The following SAMD13 variants were observed in gnomAD, a reference collection of about 807,000 sequenced individuals.
SAMD13 encodes sterile alpha motif domain containing 13.
In SAMD13, 9 loss-of-function variants were observed where a neutral mutation model predicts 12.4. The observed-to-expected ratio is 0.72, with a 90% CI of 0.44 to 1.26. The LOEUF (loss-of-function observed/expected upper bound fraction) is 1.26, where lower values mean the gene tolerates loss of function less well. SAMD13 is among the 50% of genes most tolerant of loss of function. The probability of loss-of-function intolerance (pLI) is 0.00; values close to 1 mark genes in which losing one functional copy is unlikely to be tolerated. For missense variants in SAMD13, 84 were observed against 119.6 expected, an observed-to-expected ratio of 0.70 and a Z score of 1.39; for synonymous variants, 46 against 45.4, an observed-to-expected ratio of 1.01 and a Z score of -0.05.
upstream of SAMD13, chr1:84,299,543 A>G (rs1350861251): frequency 5.0e-6 from 7 of 1,398,404 alleles, no homozygotes; most frequent in Non-Finnish European, 6.7e-6. Context: ...AAAGTACACC[A>G]CATAGTGCAC....
In SAMD13 at chr1:84,350,652, G is replaced by C. The variant is rs1172449595; in HGVS notation, c.*878G>C. Reference sequence around the variant, plus strand: ...TTTTAATTGTCCTATGCTTTGTTCGGTTCCTGGGTTAAGTACTTGTTTTTA... The same window carrying C: ...TTTTAATTGTCCTATGCTTTGTTCGCTTCCTGGGTTAAGTACTTGTTTTTA... On this transcript the variant is annotated 3_prime_UTR_variant, in exon 4 of 4. Coordinates refer to ENST00000394834, the MANE Select transcript of SAMD13 (RefSeq NM_001134663.2). 1 of 152,278 alleles carries C rather than the reference G, an allele frequency of 6.6e-6. No individual in the cohort carries two copies. The highest frequency in any genetic ancestry group is 2.4e-5 in the African/African-American group (1 of 41,314). The allele number at this position is 152,278 out of a possible 1,614,324, so 9.4% of individuals were successfully genotyped here.
chr1:84,309,477 C>A (rs1395713314), intron 2 of SAMD13, among the ~76,000 whole-genome samples: 1 of 152,178 alleles, frequency 6.6e-6, no homozygotes, highest in Non-Finnish European at 1.5e-5. Flanking sequence ...CTCCTCTCCT[C>A]AAATTCATTT....
intron 3 of SAMD13, among the ~76,000 whole-genome samples, chr1:84,334,177 T>C (rs1420052883): frequency 2.0e-5 from 3 of 152,134 alleles, no homozygotes; most frequent in African/African-American, 7.2e-5. Flanking sequence ...TAAATCCATC[T>C]GGTCCTGGGC....
upstream of SAMD13, among the ~76,000 whole-genome samples, chr1:84,299,224 A>G (rs912990404): frequency 6.6e-6 from 1 of 152,066 alleles, no homozygotes; most frequent in Non-Finnish European, 1.5e-5. Context: ...TCCCTAGGCG[A>G]GTCCTTTCTG....
At chr1:84,345,194 T>G (rs992182907) in intron 3 of SAMD13, 2 of 456,224 alleles carry the variant, frequency 4.4e-6, no homozygotes, top group African/African-American at 4.0e-5. Flanking sequence ...AGAGAGTTGT[T>G]ACAAAGAAAG....
intron 3 of SAMD13, among the ~76,000 whole-genome samples, chr1:84,342,611 A>T (rs1351167485): frequency 5.9e-5 from 9 of 152,202 alleles, no homozygotes; most frequent in Non-Finnish European, 1.3e-4. Context: ...TGGGGAAAAG[A>T]TTCTCTATTT....
At position 84,325,652 on chromosome 1, in the gene SAMD13, G is replaced by A. The variant is rs750876479; in HGVS notation, c.69G>A (p.Gly23=). The change falls in exon 3 of 4, where the codon GGG becomes GGA. Residue 23 remains glycine (G), a synonymous_variant. Coordinates refer to ENST00000394834, the MANE Select transcript of SAMD13 (RefSeq NM_001134663.2). Reference sequence around the variant, plus strand: ...TGTTTTGCAGTTCCATGGAAAATGGGAGACCACCTGATCCTGCAGACTGGG... The same window carrying A: ...TGTTTTGCAGTTCCATGGAAAATGGAAGACCACCTGATCCTGCAGACTGGG... ...SVGVKNSMEN[G]RPPDPADWAV... is the part of the protein sequence containing the mutation. 10 of 1,611,434 alleles carry A rather than the reference G, an allele frequency of 6.2e-6. No individual in the cohort carries two copies. The South Asian group carries it at 6.6e-5, about 11-fold the overall frequency.
intron 3 of SAMD13, among the ~76,000 whole-genome samples, chr1:84,331,714 A>G (rs1333395890): frequency 6.6e-6 from 1 of 152,150 alleles, no homozygotes; most frequent in East Asian, 1.9e-4. Flanking sequence ...TTGAAAACTG[A>G]TAAGGAAAAA....
intron 2 of SAMD13, among the ~76,000 whole-genome samples, chr1:84,310,497 C>G (rs1465360995): frequency 6.6e-6 from 1 of 152,188 alleles, no homozygotes; most frequent in Non-Finnish European, 1.5e-5. Flanking sequence ...TCATTTTGGA[C>G]ATAAAATTTT....
At chr1:84,302,205 A>G (rs1412612061) in intron 1 of SAMD13, among the ~76,000 whole-genome samples, 2 of 152,216 alleles carry the variant, frequency 1.3e-5, no homozygotes, top group Non-Finnish European at 2.9e-5. Context: ...CGAATATACT[A>G]AATGATGCAC....
At chr1:84,312,583 T>C (rs1242942752) in intron 2 of SAMD13, among the ~76,000 whole-genome samples, 2 of 152,044 alleles carry the variant, frequency 1.3e-5, no homozygotes, top group African/African-American at 4.8e-5. Context: ...AAAATTAATT[T>C]GAACTGAATC....
At chr1:84,302,337 C>CT (rs34069417) in intron 1 of SAMD13, among the ~76,000 whole-genome samples, 181 of 123,148 alleles carry the variant, frequency 1.5e-3, no homozygotes, top group African/African-American at 5.1e-3. Flanking sequence ...CTGTTTCTTC[C>CT]TTTTTTTTTT....
rs199803650 is a variant in SAMD13, at chr1:84,302,453, AAGAC to A, written c.-33+656_-33+659del. Among the ~76,000 whole-genome samples the A allele has an allele frequency of 6.7e-3, 1,012 of 151,904 alleles. 33 individuals are homozygous for A. Among genetic ancestry groups the A allele is most frequent in the South Asian group, 2.7e-3 (13 of 4,814 alleles). ...CACAGCCCTCATCCTACTAAACAAA[AAGAC>A]AGAGTGATGGATGCTACAATATCTC... On this transcript the variant is annotated intron_variant, in intron 1 of 3. Transcript: ENST00000394834.
chr1:84,303,106 A>G (rs1321494911), intron 1 of SAMD13, 97 bp from the exon 2 acceptor site: 2 of 852,830 alleles, frequency 2.3e-6, no homozygotes, highest in African/African-American at 3.4e-5. Flanking sequence ...AACTGGTGTG[A>G]AGCTGTAAAA....
At chr1:84,347,119 G>A (rs1320442421) in intron 3 of SAMD13, among the ~76,000 whole-genome samples, 1 of 152,128 alleles carries the variant, frequency 6.6e-6, no homozygotes, top group African/African-American at 2.4e-5. Context: ...CCTACCCAGG[G>A]TCACATAGCA....
chr1:84,302,726 CCTT>C (rs1023295112), intron 1 of SAMD13: 47 of 978,736 alleles, frequency 4.8e-5, no homozygotes, highest in Admixed American at 1.2e-4. Context: ...CTTTAAGTGT[CCTT>C]CTGCATTGCA....
chr1:84,319,058 C>T (rs1307996559), intron 2 of SAMD13, among the ~76,000 whole-genome samples: 1 of 152,098 alleles, frequency 6.6e-6, no homozygotes, highest in Non-Finnish European at 1.5e-5. Flanking sequence ...ACATTGTCAG[C>T]CCTCAAGGAC....
At chr1:84,332,742 A>G (rs1169371137) in intron 3 of SAMD13, among the ~76,000 whole-genome samples, 1 of 152,138 alleles carries the variant, frequency 6.6e-6, no homozygotes, top group East Asian at 1.9e-4. Context: ...ATTAGGTCCT[A>G]TCTGTCAATT....
rs1025061984 is a variant in SAMD13, at chr1:84,326,467, G to T, written c.165+719G>T. Among the ~76,000 whole-genome samples the T allele has an allele frequency of 2.0e-5, 3 of 152,122 alleles. No individual in the cohort carries two copies. The South Asian group carries it at 6.2e-4, about 32-fold the overall frequency. On this transcript the variant is annotated intron_variant, in intron 3 of 3. Coordinates refer to ENST00000394834, the MANE Select transcript of SAMD13 (RefSeq NM_001134663.2). ...ATGGTATTAGAAAGAGGGAGAAAGT[G>T]GCAGGAGTCCATCCCAATTGTCTAG...
Sources: gnomAD v4.1 joint callset for allele counts (sites outside exome capture counted in the v4.1 genomes callset) on GRCh38, gnomAD v4.1.1 for gene constraint, MANE v1.5 for transcripts, NCBI Gene and HGNC (gene_info 2026-07-23, HGNC 2026-07-21) for gene names.